MYL5: variants seen among roughly 807,000 people sequenced by gnomAD.
The protein encoded by MYL5 is myosin regulatory light chain 5.
Under a neutral mutation model 20.8 loss-of-function variants are expected in MYL5, and 28 were observed. That is an observed-to-expected ratio of 1.35 (90% CI 1.00 to 1.84). The LOEUF is 1.84. Among genes scored for constraint, MYL5 ranks in the 40% most tolerant of loss-of-function variants. The pLI, the probability that MYL5 is intolerant of heterozygous loss-of-function variation, is 0.00. For missense variants in MYL5, 274 were observed against 227.3 expected (o/e 1.21, Z -1.32); for synonymous variants, 118 against 87.4 (o/e 1.35, Z -1.95).
chr4:678,083 G>T (rs1222673133), intron 1 of MYL5, 54 bp downstream of exon 3: 1 of 1,606,364 alleles, frequency 6.2e-7, no homozygotes, highest in African/African-American at 1.4e-5. Context: ...GAGCTGTGCT[G>T]TGCATGTGTA....
In MYL5 at chr4:678,661, A is replaced by G. The variant is rs572958229; in HGVS notation, c.7A>G (p.Ser3Gly). The G allele has an allele frequency of 1.9e-6, 3 of 1,606,682 alleles. No individual in the cohort carries two copies. The South Asian group carries it at 3.3e-5, about 18-fold the overall frequency. Reference sequence around the variant, plus strand: ...AGCCATGGTGCTCCCACCGCAGGCCAGCAGGAAGACCAAGAAGAAGGAAGG... The same window carrying G: ...AGCCATGGTGCTCCCACCGCAGGCCGGCAGGAAGACCAAGAAGAAGGAAGG... Residue 3 changes from serine (S) to glycine (G), a missense_variant, in exon 2 of 7, where the codon AGC (serine) becomes GGC (glycine). Physicochemically the swap from Ser to Gly is moderately conservative, Grantham distance 56 (BLOSUM62 0). Coordinates refer to ENST00000400159, the Ensembl canonical transcript of MYL5.
chr4:679,602 G>T (rs1327775256), intron 3 of MYL5, among the ~76,000 whole-genome samples: 1 of 152,174 alleles, frequency 6.6e-6, no homozygotes, highest in Non-Finnish European at 1.5e-5. Context: ...TGGGGTGGGA[G>T]GGTCGCAAGT....
intron 6 of MYL5, 115 bp downstream of exon 8, chr4:681,255 C>G: frequency 8.0e-7 from 1 of 1,251,052 alleles, no homozygotes; most frequent in Non-Finnish European, 1.1e-6. Context: ...GGACCCAGGA[C>G]AGAACAGGCC....
intron 5 of MYL5, 180 bp from the exon 8 acceptor site, chr4:680,912 C>T (rs552759390): frequency 4.6e-5 from 33 of 723,410 alleles, no homozygotes; most frequent in South Asian, 4.4e-4. Context: ...GCGGCTCCCC[C>T]AGAAGTGATG....
exon 7 of MYL5, chr4:681,980 GAGA>G (rs1278145143): frequency 1.4e-6 from 2 of 1,403,140 alleles, no homozygotes; most frequent in Admixed American, 2.7e-5. Flanking sequence ...CCACGGGGAG[GAGA>G]AGGAGGAGTG....
At chr4:678,827 A>C in intron 2 of MYL5, 62 bp downstream of exon 4, 1 of 1,607,600 alleles carries the variant, frequency 6.2e-7, no homozygotes, top group Non-Finnish European at 8.5e-7. Context: ...GGAAGACCCC[A>C]TGTGGGCTGG....
chr4:678,276 G>A, intron 1 of MYL5: 2 of 1,455,204 alleles, frequency 1.4e-6, no homozygotes, highest in Non-Finnish European at 1.8e-6. Context: ...TGAGAGTCCG[G>A]AGCAGGATGA....
At position 678,781 on chromosome 4, in the gene MYL5, T is replaced by C; in HGVS notation, c.111+16T>C. The stretch of plus-strand genomic sequence containing the variant: ...GTTCAAGGAGGTGAGACTTTCCTGC[T>C]TCACTGGGAGCCCCCACCCCCAGGA... On this transcript the variant is annotated intron_variant, in intron 2 of 6. Transcript: ENST00000400159. 6.2e-7 allele frequency: 1 copy of C among 1,608,140 alleles called. No individual in the cohort carries two copies. Among genetic ancestry groups the C allele is most frequent in the South Asian group, 1.1e-5 (1 of 90,596 alleles).
intron 3 of MYL5, chr4:679,283 G>A (rs1417739481): frequency 3.3e-5 from 13 of 392,728 alleles, no homozygotes; most frequent in Non-Finnish European, 4.2e-5. Flanking sequence ...GGGCTTTGAG[G>A]CAGCAGGCTC....
At chr4:679,113 C>T (rs1323799336) in intron 3 of MYL5, 80 bp downstream of exon 5, 1 of 1,191,424 alleles carries the variant, frequency 8.4e-7, no homozygotes, top group Non-Finnish European at 1.1e-6. Context: ...GCCGCGGCCC[C>T]TCCTCGAATG....
chr4:681,018 G>C (rs1739424911), intron 5 of MYL5, 74 bp from the exon 8 acceptor site: 1 of 1,511,684 alleles, frequency 6.6e-7, no homozygotes, highest in Non-Finnish European at 9.0e-7. Context: ...GGGGCCCCTG[G>C]AGCACCTGAG....
At chr4:680,046 C>G (rs1183838595) in intron 4 of MYL5, 28 bp downstream of exon 6, 12 of 1,540,430 alleles carry the variant, frequency 7.8e-6, no homozygotes, top group African/African-American at 1.4e-5. Context: ...AGGCCTGGCC[C>G]TCCTAGCTAA....
chr4:681,058 A>G lies in MYL5; in HGVS notation c.372-34A>G, dbSNP rs747036138. 7 of 1,573,340 alleles carry G rather than the reference A, an allele frequency of 4.4e-6. No homozygotes were observed. In the South Asian group the frequency reaches 8.1e-5, roughly 18 times the overall value. The stretch of plus-strand genomic sequence containing the variant: ...ACCGAGAAGGCTCCTGCACCCCCGC[A>G]TCAGCCCGCGCTGACCCCTTTCCTC... On this transcript the variant is annotated intron_variant, in intron 5 of 6. Transcript: ENST00000400159.
chr4:680,680 C>T (rs1335454493), intron 5 of MYL5, 93 bp downstream of exon 7: 17 of 1,297,202 alleles, frequency 1.3e-5, no homozygotes, highest in African/African-American at 4.4e-5. Context: ...CCAGATGCCA[C>T]GCCCACCTCC....
At chr4:676,472 G>T (rs1485707014), upstream of MYL5, 1 of 152,250 alleles carries the variant, frequency 6.6e-6, no homozygotes, top group African/African-American at 2.4e-5. Context: ...TTAGTGGTGG[G>T]ACGGGTCCCA....
At chr4:678,408 C>T (rs1477615108) in intron 1 of MYL5, 1 of 1,419,662 alleles carries the variant, frequency 7.0e-7, no homozygotes, top group Non-Finnish European at 9.2e-7. Context: ...GACCACTGTG[C>T]TCTGTGGGCC....
exon 1 of MYL5, chr4:678,002 C>G: frequency 6.2e-7 from 1 of 1,613,360 alleles, no homozygotes; most frequent in South Asian, 1.1e-5. Flanking sequence ...CCTGGGCAGA[C>G]GCATCAAAGC....
At chr4:677,728 G>C (rs1020553023), upstream of MYL5, among the ~76,000 whole-genome samples, 18 of 152,304 alleles carry the variant, frequency 1.2e-4, no homozygotes, top group African/African-American at 3.6e-4. Context: ...CTGACACACA[G>C]AATCCTTGGG....
At chr4:680,077 G>A (rs963769583) in intron 4 of MYL5, 59 bp downstream of exon 6, 19 of 1,386,380 alleles carry the variant, frequency 1.4e-5, no homozygotes, top group Admixed American at 1.0e-4. Flanking sequence ...TTAGAGATCC[G>A]GACATTTCAC....
Sources: allele counts gnomAD v4.1 joint callset (sites outside exome capture counted in the v4.1 genomes callset), GRCh38; gene constraint gnomAD v4.1.1; transcripts MANE v1.5; gene names NCBI Gene and HGNC (gene_info 2026-07-23, HGNC 2026-07-21).